Variants in NT5DC3 observed in about 807,000 individuals in gnomAD.
NT5DC3 encodes 5'-nucleotidase domain containing 3.
NT5DC3 carries 42 observed loss-of-function variants against 67.8 expected under a neutral mutation model. The ratio of observed to expected loss-of-function variants is 0.62; its 90% CI spans 0.48 to 0.80. NT5DC3 has a LOEUF of 0.80. Among genes scored for constraint, NT5DC3 ranks in the 30% least tolerant of loss-of-function variants. The pLI, the probability that NT5DC3 is intolerant of heterozygous loss-of-function variation, is 0.00. For synonymous variants in NT5DC3, 237 were observed against 255.6 expected, an observed-to-expected ratio of 0.93 and a Z score of 0.69; for missense variants, 570 against 696.4, an observed-to-expected ratio of 0.82 and a Z score of 2.04.
At chr12:103,766,453 C>CCTCAT (rs1491101079), downstream of NT5DC3, 1 of 1,185,716 alleles carries the variant, frequency 8.4e-7, no homozygotes, top group African/African-American at 1.5e-5. Flanking sequence ...AGAAGCCATA[C>CCTCAT]CTCATCTCTC....
chr12:103,831,889 G>A lies in NT5DC3; in HGVS notation c.208+9060C>T, dbSNP rs941412362. On this transcript the variant is annotated intron_variant, in intron 1 of 13. Coordinates refer to ENST00000392876, the MANE Select transcript of NT5DC3 (RefSeq NM_001031701.3). Reference sequence around the variant, plus strand: ...TTCCCGGGTTCAAGCCAATTCTCACGCCTCAGCCTCCCAAGTGGCTGGGAT... The same window carrying A: ...TTCCCGGGTTCAAGCCAATTCTCACACCTCAGCCTCCCAAGTGGCTGGGAT... Among the ~76,000 whole-genome samples the A allele has an allele frequency of 1.0e-4, 15 of 147,836 alleles. No individual in the cohort carries two copies. The South Asian group carries it at 1.5e-3, about 15-fold the overall frequency.
At chr12:103,750,924 C>G in the NT5DC3 span, among the ~76,000 whole-genome samples, 2 of 152,236 alleles carry the variant, frequency 1.3e-5, no homozygotes, top group Non-Finnish European at 2.9e-5. Context: ...AACCCCATCT[C>G]TACTAAAAAT....
At chr12:103,765,975 G>A (rs138989232), downstream of NT5DC3, 1,111 of 471,700 alleles carry the variant, frequency 2.4e-3, 2 homozygotes, top group Non-Finnish European at 3.7e-3. Context: ...GCTAAATGTA[G>A]GCTCTAATTT....
Position 103,798,594 on chromosome 12 carries a change from TAA to T in NT5DC3, c.606_607del (p.Phe202LeufsTer30). 1.2e-6 allele frequency: 2 copies of T among 1,611,754 alleles called. No homozygotes were observed. Among genetic ancestry groups the T allele is most frequent in the East Asian group, 2.2e-5 (1 of 44,872 alleles). ...TAAAGTGCTTCTCATTACCTTTCCG[TAA>T]AAGTCACTCATCTGCTCCAAGGGCA... is the stretch of plus-strand genomic sequence containing the variant. On this transcript the variant is annotated frameshift_variant, in exon 5 of 14. Coordinates refer to ENST00000392876, the MANE Select transcript of NT5DC3 (RefSeq NM_001031701.3). LOFTEE classifies it high-confidence loss of function.
chr12:103,814,332 A>G (rs901183159), intron 2 of NT5DC3, among the ~76,000 whole-genome samples: 1 of 152,236 alleles, frequency 6.6e-6, no homozygotes, highest in Non-Finnish European at 1.5e-5. Context: ...CACCTGTCTG[A>G]GATGGAGAGC....
chr12:103,812,453 A>G (rs1887073792), intron 2 of NT5DC3, among the ~76,000 whole-genome samples: 1 of 152,400 alleles, frequency 6.6e-6, no homozygotes, highest in Admixed American at 6.5e-5. Flanking sequence ...AATTTCAATG[A>G]TCTTAAATCT....
intron 1 of NT5DC3, among the ~76,000 whole-genome samples, chr12:103,839,391 G>C (rs1249782080): frequency 6.6e-6 from 1 of 152,084 alleles, no homozygotes; most frequent in African/African-American, 2.4e-5. Flanking sequence ...TGGGACCACA[G>C]GTGTGAGCCA....
At chr12:103,781,019 A>G (rs1885528405) in intron 12 of NT5DC3, among the ~76,000 whole-genome samples, 1 of 152,234 alleles carries the variant, frequency 6.6e-6, no homozygotes, top group Non-Finnish European at 1.5e-5. Flanking sequence ...AAATCACCTC[A>G]ATGAGAAGGA....
the NT5DC3 span, chr12:103,763,688 T>A: frequency 7.9e-7 from 1 of 1,266,586 alleles, no homozygotes; most frequent in South Asian, 1.3e-5. Context: ...TCAGTGGAGA[T>A]CTTTGTACCA....
At chr12:103,763,285 C>T in the NT5DC3 span, 1 of 582,446 alleles carries the variant, frequency 1.7e-6, no homozygotes, top group Middle Eastern at 4.8e-4. Context: ...TGGTGGTGAT[C>T]ACAAATGGGC....
At chr12:103,791,937 G>A (rs914379034) in intron 9 of NT5DC3, among the ~76,000 whole-genome samples, 4 of 152,156 alleles carry the variant, frequency 2.6e-5, no homozygotes, top group African/African-American at 7.2e-5. Context: ...AAAAATTGTC[G>A]TCCATGAAAC....
intron 1 of NT5DC3, among the ~76,000 whole-genome samples, chr12:103,825,638 TTA>T (rs1289572509): frequency 1.3e-5 from 2 of 151,982 alleles, no homozygotes; most frequent in African/African-American, 4.8e-5. Context: ...AAAAAAAATT[TTA>T]AAAGTAGCCA....
In NT5DC3 at chr12:103,837,465, G is replaced by A. The variant is rs569650593; in HGVS notation, c.208+3484C>T. 1.8e-4 allele frequency among the ~76,000 whole-genome samples: 28 copies of A among 152,246 alleles called. No homozygotes were observed. In the East Asian group the frequency reaches 4.4e-3, roughly 24 times the overall value. On this transcript the variant is annotated intron_variant, in intron 1 of 13. Transcript: ENST00000392876. ...ATGGGTTTTTCTTTTCTACTGCATC[G>A]TCAGCCTGCAAATTTTCGGAGCTTT...
At chr12:103,768,558 G>A (rs57618426), downstream of NT5DC3, among the ~76,000 whole-genome samples, 2 of 782 alleles carry the variant, frequency 2.6e-3, no homozygotes, top group African/African-American at 0.02. Context: ...GGAGGGAGGC[G>A]GAGGGAGAGA....
intron 1 of NT5DC3, among the ~76,000 whole-genome samples, chr12:103,819,170 G>C (rs1366454739): frequency 6.6e-6 from 1 of 152,182 alleles, no homozygotes; most frequent in Admixed American, 6.5e-5. Context: ...CCTGAGACAC[G>C]TACATCACAT....
intron 1 of NT5DC3, among the ~76,000 whole-genome samples, chr12:103,834,901 T>TG (rs572009557): frequency 3.3e-5 from 5 of 150,316 alleles, no homozygotes; most frequent in South Asian, 4.2e-4. Flanking sequence ...CTCTTGCAAC[T>TG]GGGGGTGGGG....
chr12:103,816,967 C>CT (rs376622215), intron 1 of NT5DC3, among the ~76,000 whole-genome samples: 32,659 of 118,810 alleles, frequency 0.27, 4,552 homozygotes, highest in East Asian at 0.6. Context: ...TTTCTTTTTT[C>CT]TTTTTTTTTT....
chr12:103,757,477 T>C, the NT5DC3 span, among the ~76,000 whole-genome samples: 1 of 152,130 alleles, frequency 6.6e-6, no homozygotes, highest in Non-Finnish European at 1.5e-5. Context: ...ACGTCAATAG[T>C]ATTGAGTGCT....
At chr12:103,767,089 A>C (rs914665784), downstream of NT5DC3, among the ~76,000 whole-genome samples, 4 of 152,272 alleles carry the variant, frequency 2.6e-5, no homozygotes, top group Non-Finnish European at 5.9e-5. Context: ...TATATATCCA[A>C]GAGACAGAAA....
Sources: gnomAD v4.1 joint callset for allele counts (sites outside exome capture counted in the v4.1 genomes callset) on GRCh38, gnomAD v4.1.1 for gene constraint, MANE v1.5 for transcripts, NCBI Gene and HGNC (gene_info 2026-07-23, HGNC 2026-07-21) for gene names.